The following PPARGC1B variants were observed in gnomAD, a reference collection of about 807,000 sequenced individuals.
PPARGC1B encodes the protein peroxisome proliferator-activated receptor gamma coactivator 1-beta.
PPARGC1B carries 34 observed loss-of-function variants against 101.6 expected under a neutral mutation model. The ratio of observed to expected loss-of-function variants is 0.33; its 90% CI spans 0.25 to 0.45. The LOEUF (loss-of-function observed/expected upper bound fraction) is 0.45, where lower values mean the gene tolerates loss of function less well. Ranked by LOEUF, PPARGC1B falls within the 20% of genes least tolerant of loss-of-function variation. The pLI, the probability that PPARGC1B is intolerant of heterozygous loss-of-function variation, is 1.00. For synonymous variants in PPARGC1B, 548 were observed against 539.3 expected (o/e 1.02, Z -0.22); for missense variants, 1,234 against 1,317.6 (o/e 0.94, Z 0.98).
chr5:149,789,778 C>T (rs1038998716), intron 1 of PPARGC1B, among the ~76,000 whole-genome samples: 2 of 152,216 alleles, frequency 1.3e-5, no homozygotes, highest in African/African-American at 4.8e-5. Context: ...AAGTGCCATG[C>T]ACCTGAAAGG....
At chr5:149,831,073 C>G (rs1435149606) in intron 4 of PPARGC1B, among the ~76,000 whole-genome samples, 190 bp downstream of exon 4, 2 of 152,184 alleles carry the variant, frequency 1.3e-5, no homozygotes, top group African/African-American at 4.8e-5. Context: ...GGAAGGAGCC[C>G]TGGACTTTCT....
intron 1 of PPARGC1B, among the ~76,000 whole-genome samples, chr5:149,756,265 C>A (rs897945737): frequency 1.3e-5 from 2 of 152,012 alleles, no homozygotes; most frequent in Non-Finnish European, 2.9e-5. Context: ...AGTTTGAGAC[C>A]AGCCTGGCCA....
At chr5:149,736,526 T>A (rs886999171) in intron 1 of PPARGC1B, among the ~76,000 whole-genome samples, 1 of 152,218 alleles carries the variant, frequency 6.6e-6, no homozygotes. Context: ...GACACTCAGC[T>A]GATGCAGAAT....
chr5:149,819,055 G>A (rs1305314481), intron 1 of PPARGC1B, among the ~76,000 whole-genome samples: 1 of 152,172 alleles, frequency 6.6e-6, no homozygotes, highest in African/African-American at 2.4e-5. Flanking sequence ...CATTAAACTG[G>A]GGAGACCAGG....
intron 1 of PPARGC1B, among the ~76,000 whole-genome samples, chr5:149,760,434 A>G (rs1279311818): frequency 6.6e-6 from 1 of 152,222 alleles, no homozygotes; most frequent in Non-Finnish European, 1.5e-5. Flanking sequence ...CCTTGGGCAC[A>G]TGGCTTGGCT....
chr5:149,745,921 G>A (rs2113102532), intron 1 of PPARGC1B, among the ~76,000 whole-genome samples: 1 of 152,270 alleles, frequency 6.6e-6, no homozygotes, highest in South Asian at 2.1e-4. Flanking sequence ...GGAGGAAGAA[G>A]GCAGCCTGAG....
Position 149,832,883 on chromosome 5 carries a change from G to A in PPARGC1B, c.810G>A (p.Leu270=), listed in dbSNP as rs1347448529. Residue 270 remains leucine (L), a synonymous_variant, in exon 5 of 12, where the codon CTG becomes CTA. Transcript: ENST00000309241. This position sits in a 1 kb window ranked among gnomAD's most constrained non-coding sequence, Gnocchi z 4.9. Reference sequence around the variant, plus strand: ...CCTCTCCCCGGGACTCCCTAGCTCTGGGCAGGGCAGACCCCGGTGCCCCGG... The same window carrying A: ...CCTCTCCCCGGGACTCCCTAGCTCTAGGCAGGGCAGACCCCGGTGCCCCGG... ...APASPRDSLA[L]GRADPGAPVS... 8 of 1,612,742 alleles carry A rather than the reference G, an allele frequency of 5.0e-6. No individual in the cohort carries two copies. The highest frequency in any genetic ancestry group is 1.1e-5 in the South Asian group (1 of 90,970).
chr5:149,845,751 T>A lies in PPARGC1B; in HGVS notation c.2817-9T>A. 6.2e-7 allele frequency: 1 copy of A among 1,600,926 alleles called. No homozygotes were observed. The highest frequency in any genetic ancestry group is 8.5e-7 in the Non-Finnish European group (1 of 1,171,056). On this transcript the variant is annotated splice_polypyrimidine_tract_variant and intron_variant, in intron 10 of 11. Transcript: ENST00000309241. ...CCAATAACATACTCTCCTTGCTCCC[T>A]CCCCGCAGAGGCGAGAAGTACGGCT...
At chr5:149,844,706 G>A (rs1157748688) in intron 10 of PPARGC1B, among the ~76,000 whole-genome samples, 1 of 152,220 alleles carries the variant, frequency 6.6e-6, no homozygotes, top group African/African-American at 2.4e-5. Context: ...AGAGGTGTCA[G>A]GAAACATGAT....
intron 1 of PPARGC1B, among the ~76,000 whole-genome samples, chr5:149,802,670 C>A (rs1214388730): frequency 1.3e-5 from 2 of 151,442 alleles, no homozygotes; most frequent in Admixed American, 1.3e-4. Context: ...GCATACACAG[C>A]TTTATCTCTA....
intron 11 of PPARGC1B, 175 bp downstream of exon 11, chr5:149,846,089 T>C: frequency 2.8e-6 from 2 of 708,552 alleles, no homozygotes; most frequent in Non-Finnish European, 4.9e-6. Context: ...ACCATCCTGT[T>C]TCTCTTCTGG....
downstream of PPARGC1B, among the ~76,000 whole-genome samples, chr5:149,856,345 G>A (rs773588072): frequency 2.6e-5 from 4 of 152,130 alleles, no homozygotes; most frequent in Non-Finnish European, 5.9e-5. Context: ...TTCCACTTAG[G>A]GGCAGAGTTC....
chr5:149,770,607 G>C (rs1346588254), intron 1 of PPARGC1B, among the ~76,000 whole-genome samples: 1 of 151,932 alleles, frequency 6.6e-6, no homozygotes, highest in Non-Finnish European at 1.5e-5. Flanking sequence ...ATAAAATCAG[G>C]AAGCCGAGGC....
intron 1 of PPARGC1B, among the ~76,000 whole-genome samples, chr5:149,735,979 C>A (rs1254271812): frequency 6.6e-6 from 1 of 152,150 alleles, no homozygotes; most frequent in Non-Finnish European, 1.5e-5. Context: ...CAAAAATTAG[C>A]CGGGCGTGGT....
intron 1 of PPARGC1B, chr5:149,771,894 A>C: frequency 1.3e-6 from 1 of 764,170 alleles, no homozygotes; most frequent in Non-Finnish European, 1.9e-6. Context: ...CATCCTGTTT[A>C]AGTGATGTCA....
In PPARGC1B at chr5:149,840,057, C is replaced by T. The variant is rs773320099; in HGVS notation, c.2635C>T (p.Pro879Ser). The T allele has an allele frequency of 3.7e-6, 6 of 1,613,938 alleles. No individual in the cohort carries two copies. The East Asian group carries it at 8.9e-5, about 24-fold the overall frequency. ...CACTGACAGATGTGAGAGCAGAGGG[C>T]CGTGTTCAGACAGAACGCCAAGCAT... ...RRNFRCESRG[P>S]CSDRTPSIRH... Residue 879 changes from proline (P) to serine (S), a missense_variant, in exon 9 of 12, where the codon CCG (proline) becomes TCG (serine). Pro to Ser is a moderately conservative substitution (Grantham distance 74). Transcript: ENST00000309241.
At chr5:149,819,940 A>G (rs902753900) in intron 1 of PPARGC1B, among the ~76,000 whole-genome samples, 8 of 152,248 alleles carry the variant, frequency 5.3e-5, no homozygotes, top group African/African-American at 1.9e-4. Context: ...TAGACATTAC[A>G]TATATTCCTA....
rs991731546 is a variant in PPARGC1B, at chr5:149,746,363, T to C, written c.78+15943T>C. Among the ~76,000 whole-genome samples, 5 of 152,364 alleles carry C rather than the reference T, an allele frequency of 3.3e-5. 2 individuals are homozygous for C. Among genetic ancestry groups the C allele is most frequent in the African/African-American group, 1.2e-4 (5 of 41,584 alleles). The stretch of plus-strand genomic sequence containing the variant: ...CAAGTGGGATCACAGTATTTGTCTT[T>C]TTGTGGCTGGCCTATTTTACTTAGC... On this transcript the variant is annotated intron_variant, in intron 1 of 11. Coordinates refer to ENST00000309241, the MANE Select transcript of PPARGC1B (RefSeq NM_133263.4).
chr5:149,834,482 C>T lies in PPARGC1B; in HGVS notation c.1706-192C>T, dbSNP rs1758959659. 2.6e-5 allele frequency among the ~76,000 whole-genome samples: 4 copies of T among 152,198 alleles called. No homozygotes were observed. The South Asian group carries it at 6.2e-4, about 24-fold the overall frequency. The stretch of plus-strand genomic sequence containing the variant: ...CTTTCTGCAAAATCAAGTCGCTCTC[C>T]CAGCTGAGACTAGGATGGAAGGTGG... On this transcript the variant is annotated intron_variant, in intron 5 of 11. Coordinates refer to ENST00000309241, the MANE Select transcript of PPARGC1B (RefSeq NM_133263.4).
Sources: allele counts gnomAD v4.1 joint callset (sites outside exome capture counted in the v4.1 genomes callset), GRCh38; gene constraint gnomAD v4.1.1; non-coding constraint Gnocchi (gnomAD v3.1); transcripts MANE v1.5; gene names NCBI Gene and HGNC (gene_info 2026-07-23, HGNC 2026-07-21).